CDYL2: variants seen among roughly 807,000 people sequenced by gnomAD.
CDYL2 encodes chromodomain Y-like protein 2.
A neutral mutation model predicts 49.4 loss-of-function variants in CDYL2; 23 were observed. That is an observed-to-expected ratio of 0.47 (90% CI 0.34 to 0.66). CDYL2 has a LOEUF of 0.66. CDYL2 is among the 30% of genes least tolerant of loss of function. The pLI is 0.01. For missense variants in CDYL2, 678 were observed against 656.4 expected, an observed-to-expected ratio of 1.03 and a Z score of -0.36; for synonymous variants, 360 against 268.8, an observed-to-expected ratio of 1.34 and a Z score of -3.32.
In CDYL2 at chr16:80,612,965, G is replaced by T; in HGVS notation, c.1008-129C>A. On this transcript the variant is annotated intron_variant, in intron 4 of 6. Coordinates refer to ENST00000570137, the MANE Select transcript of CDYL2 (RefSeq NM_152342.4). This position sits in a 1 kb window ranked among gnomAD's most constrained non-coding sequence, Gnocchi z 5.0. The stretch of plus-strand genomic sequence containing the variant: ...CAGAGGTTAGAGGTGCCAGGCAAGG[G>T]CCTCATTGCCTGGACATGGAACCAC... 1.3e-6 allele frequency: 1 copy of T among 746,192 alleles called. No individual in the cohort carries two copies. The highest frequency in any genetic ancestry group is 2.1e-6 in the Non-Finnish European group (1 of 475,104). 46.2% of individuals were successfully genotyped at this position (746,192 alleles called of 1,614,324 possible). A position where few individuals can be genotyped will look rare whatever the true frequency, so the allele number is the denominator to read the frequency against.
chr16:80,614,985 T>C (rs932089911), intron 4 of CDYL2, among the ~76,000 whole-genome samples: 5 of 152,132 alleles, frequency 3.3e-5, no homozygotes, highest in Non-Finnish European at 5.9e-5. Context: ...TGGGATCAGA[T>C]TCAACTGCGA....
intron 3 of CDYL2, among the ~76,000 whole-genome samples, chr16:80,630,696 C>A (rs1907521535): frequency 6.6e-6 from 1 of 152,148 alleles, no homozygotes; most frequent in Admixed American, 6.5e-5. Flanking sequence ...GGGCAGCACA[C>A]AACCACTACC....
Position 80,642,906 on chromosome 16 carries a change from C to T in CDYL2, c.617-9670G>A, listed in dbSNP as rs576691040. 3.3e-5 allele frequency among the ~76,000 whole-genome samples: 5 copies of T among 152,140 alleles called. No individual in the cohort carries two copies. The South Asian group carries it at 1.0e-3, about 32-fold the overall frequency. Reference sequence around the variant, plus strand: ...GACACACAGTCAAACCATATTATTCCACCCCCAGCCCCTCCAAATCTCAAG... The same window carrying T: ...GACACACAGTCAAACCATATTATTCTACCCCCAGCCCCTCCAAATCTCAAG... On this transcript the variant is annotated intron_variant, in intron 2 of 6. Transcript: ENST00000570137.
At chr16:80,638,616 A>C (rs1483862633) in intron 2 of CDYL2, among the ~76,000 whole-genome samples, 2 of 152,210 alleles carry the variant, frequency 1.3e-5, no homozygotes, top group African/African-American at 4.8e-5. Flanking sequence ...TGTTGCTGAA[A>C]GAACAGATAC....
chr16:80,739,991 G>C (rs145557878), intron 1 of CDYL2, among the ~76,000 whole-genome samples: 18 of 152,356 alleles, frequency 1.2e-4, no homozygotes, highest in African/African-American at 3.6e-4. Context: ...GTCTTTGCTA[G>C]GGTCTTCCCC....
chr16:80,643,883 C>T (rs922037937), intron 2 of CDYL2, among the ~76,000 whole-genome samples: 4 of 152,358 alleles, frequency 2.6e-5, no homozygotes, highest in South Asian at 2.1e-4. Context: ...TGGCAAACCC[C>T]GCAGACATCT....
intron 1 of CDYL2, among the ~76,000 whole-genome samples, chr16:80,734,540 G>A (rs1375206462): frequency 1.3e-5 from 2 of 152,186 alleles, no homozygotes; most frequent in African/African-American, 4.8e-5. Context: ...GAGAAACTCA[G>A]AATAGGGAAG....
chr16:80,715,922 G>A lies in CDYL2; in HGVS notation c.25-30793C>T, dbSNP rs1597095086. 2.0e-5 allele frequency among the ~76,000 whole-genome samples: 3 copies of A among 152,290 alleles called. No individual in the cohort carries two copies. In the South Asian group the frequency reaches 6.2e-4, roughly 32 times the overall value. ...TCCTACCCACCCCTAGATGGAAGAAGAAGTAGATTCTAAGCCAGACTTCCT... is the reference window on the plus strand; with the variant it reads ...TCCTACCCACCCCTAGATGGAAGAAAAAGTAGATTCTAAGCCAGACTTCCT... On this transcript the variant is annotated intron_variant, in intron 1 of 6. Transcript: ENST00000570137.
At chr16:80,656,181 A>G (rs1226149959) in intron 2 of CDYL2, among the ~76,000 whole-genome samples, 1 of 152,260 alleles carries the variant, frequency 6.6e-6, no homozygotes, top group East Asian at 1.9e-4. Flanking sequence ...ACCTGGGGTC[A>G]ATAAAGTGCC....
intron 1 of CDYL2, among the ~76,000 whole-genome samples, chr16:80,690,964 G>A (rs1345830734): frequency 6.6e-6 from 1 of 152,134 alleles, no homozygotes; most frequent in Non-Finnish European, 1.5e-5. Flanking sequence ...TTTGCAGACT[G>A]CTGAAGGGAT....
intron 2 of CDYL2, among the ~76,000 whole-genome samples, chr16:80,664,000 C>T (rs562107419): frequency 2.6e-5 from 4 of 152,248 alleles, no homozygotes; most frequent in South Asian, 4.1e-4. Flanking sequence ...GCATTAAAAC[C>T]CTCCAAGGCC....
At chr16:80,636,961 C>T (rs117909653) in intron 2 of CDYL2, among the ~76,000 whole-genome samples, 16 of 152,238 alleles carry the variant, frequency 1.1e-4, no homozygotes, top group Non-Finnish European at 1.9e-4. Context: ...GAGCAGAACG[C>T]CAAGCACCGC....
chr16:80,601,249 A>T lies in CDYL2; in HGVS notation c.*3139T>A, dbSNP rs1022090677. On this transcript the variant is annotated 3_prime_UTR_variant, in exon 7 of 7. Coordinates refer to ENST00000570137, the MANE Select transcript of CDYL2 (RefSeq NM_152342.4). ...ATGGTCCCATAAGATGCTGAGAGTGAGCCATCACCGGGGTTGGGGCAGAGA... is the reference window on the plus strand; with the variant it reads ...ATGGTCCCATAAGATGCTGAGAGTGTGCCATCACCGGGGTTGGGGCAGAGA... The T allele has an allele frequency of 3.3e-5, 5 of 152,222 alleles. No individual in the cohort carries two copies. Among genetic ancestry groups the T allele is most frequent in the Admixed American group, 1.3e-4 (2 of 15,280 alleles). The allele number at this position is 152,222 out of a possible 1,614,324, so 9.4% of individuals were successfully genotyped here.
intron 1 of CDYL2, among the ~76,000 whole-genome samples, chr16:80,760,641 A>G (rs960260023): frequency 6.6e-6 from 1 of 152,144 alleles, no homozygotes. Context: ...TTAAAAATTT[A>G]AAAAGAAAAA....
chr16:80,630,843 C>G (rs918094026), intron 3 of CDYL2, among the ~76,000 whole-genome samples: 13 of 152,136 alleles, frequency 8.5e-5, no homozygotes, highest in Admixed American at 4.6e-4. Context: ...TTCAAGAGCA[C>G]AGCACCTCCC....
intron 1 of CDYL2, among the ~76,000 whole-genome samples, chr16:80,715,397 G>A (rs1249876781): frequency 1.3e-5 from 2 of 152,092 alleles, no homozygotes; most frequent in Admixed American, 1.3e-4. Context: ...CCAAGGCGAG[G>A]AGCCATTCTG....
intron 5 of CDYL2, among the ~76,000 whole-genome samples, chr16:80,610,347 C>A (rs991174020): frequency 6.6e-6 from 1 of 152,164 alleles, no homozygotes; most frequent in African/African-American, 2.4e-5. Context: ...GGAGCTGCCT[C>A]AAGAGCATGA....
intron 1 of CDYL2, among the ~76,000 whole-genome samples, chr16:80,741,519 T>C (rs1047393047): frequency 1.3e-5 from 2 of 152,164 alleles, no homozygotes; most frequent in Non-Finnish European, 2.9e-5. Flanking sequence ...GGTGGTAAAG[T>C]TATTTTTAAT....
intron 1 of CDYL2, among the ~76,000 whole-genome samples, chr16:80,695,078 T>G (rs1311087450): frequency 6.6e-6 from 1 of 152,276 alleles, no homozygotes; most frequent in African/African-American, 2.4e-5. Flanking sequence ...ACAGGTGAAT[T>G]AATCAGCAGT....
Sources: allele counts gnomAD v4.1 joint callset (sites outside exome capture counted in the v4.1 genomes callset), GRCh38; gene constraint gnomAD v4.1.1; non-coding constraint Gnocchi (gnomAD v3.1); transcripts MANE v1.5; gene names NCBI Gene and HGNC (gene_info 2026-07-23, HGNC 2026-07-21).